The following RUNX2 variants were observed in gnomAD, a reference collection of about 807,000 sequenced individuals.
RUNX2 encodes runt-related transcription factor 2.
A neutral mutation model predicts 51.7 loss-of-function variants in RUNX2; 10 were observed. That is an observed-to-expected ratio of 0.19 (90% CI 0.12 to 0.33). The LOEUF is 0.33. Among genes scored for constraint, RUNX2 ranks in the 10% least tolerant of loss-of-function variants. The probability of loss-of-function intolerance (pLI) is 1.00; values close to 1 mark genes in which losing one functional copy is unlikely to be tolerated. For missense variants in RUNX2, 562 were observed against 691.3 expected (o/e 0.81, Z 2.10); for synonymous variants, 276 against 273.6 (o/e 1.01, Z -0.09).
chr6:45,340,475 C>A (rs987441063), intron 2 of RUNX2, among the ~76,000 whole-genome samples: 10 of 152,002 alleles, frequency 6.6e-5, no homozygotes, highest in Admixed American at 5.9e-4. Context: ...AGGCACGCAC[C>A]ACCACGCCCA....
intron 7 of RUNX2, among the ~76,000 whole-genome samples, chr6:45,535,692 G>T (rs907884642): frequency 6.6e-6 from 1 of 152,070 alleles, no homozygotes; most frequent in Non-Finnish European, 1.5e-5. Context: ...GGCTAAAGCA[G>T]GAATATATGA....
At chr6:45,493,941 A>C (rs753376553) in intron 6 of RUNX2, among the ~76,000 whole-genome samples, 97 of 152,240 alleles carry the variant, frequency 6.4e-4, no homozygotes, top group Non-Finnish European at 9.3e-4. Context: ...GCTGTTAATG[A>C]CTAATGCTTT....
intron 5 of RUNX2, among the ~76,000 whole-genome samples, chr6:45,483,174 C>T (rs574016088): frequency 6.6e-6 from 1 of 152,302 alleles, no homozygotes; most frequent in African/African-American, 2.4e-5. Context: ...GCTCAAAGGG[C>T]TAGAGGCCTT....
intron 2 of RUNX2, among the ~76,000 whole-genome samples, chr6:45,395,159 G>A (rs549733835): frequency 2.6e-5 from 4 of 152,274 alleles, no homozygotes; most frequent in Admixed American, 2.0e-4. Context: ...GCAGTGGTTT[G>A]TCCTGTGACC....
chr6:45,395,776 T>C (rs1797568721), intron 2 of RUNX2, among the ~76,000 whole-genome samples: 1 of 152,210 alleles, frequency 6.6e-6, no homozygotes, highest in Non-Finnish European at 1.5e-5. Flanking sequence ...CAAGCAATCA[T>C]GCCTCAGCCT....
At chr6:45,333,130 A>G (rs1273291413) in intron 2 of RUNX2, among the ~76,000 whole-genome samples, 1 of 151,788 alleles carries the variant, frequency 6.6e-6, no homozygotes, top group East Asian at 1.9e-4. Context: ...ACAAATCTTT[A>G]AAAGAAGTCT....
At chr6:45,509,666 C>T (rs777199852) in intron 6 of RUNX2, among the ~76,000 whole-genome samples, 9 of 152,154 alleles carry the variant, frequency 5.9e-5, no homozygotes, top group South Asian at 2.1e-4. Flanking sequence ...GGAGCTGGCA[C>T]GCCAACTCAG....
intron 2 of RUNX2, among the ~76,000 whole-genome samples, chr6:45,384,606 ATTAG>A: frequency 6.6e-6 from 1 of 151,556 alleles, no homozygotes; most frequent in Middle Eastern, 3.4e-3. Context: ...TTTTATTATA[ATTAG>A]TTATTGAGTA....
At chr6:45,482,773 T>G (rs1232741614) in intron 5 of RUNX2, among the ~76,000 whole-genome samples, 2 of 152,194 alleles carry the variant, frequency 1.3e-5, no homozygotes, top group African/African-American at 4.8e-5. Flanking sequence ...TTGAGTAGAT[T>G]ATATTTTTCT....
intron 2 of RUNX2, among the ~76,000 whole-genome samples, chr6:45,386,966 C>T (rs1797361129): frequency 6.6e-6 from 1 of 151,896 alleles, no homozygotes; most frequent in Admixed American, 6.6e-5. Context: ...ATGTGTAAGA[C>T]AGGTTGGAAG....
chr6:45,378,138 C>A (rs1797083761), intron 2 of RUNX2, among the ~76,000 whole-genome samples: 1 of 152,212 alleles, frequency 6.6e-6, no homozygotes, highest in Non-Finnish European at 1.5e-5. Flanking sequence ...TGTGCGCGGC[C>A]TTCAGGGCCC....
intron 5 of RUNX2, among the ~76,000 whole-genome samples, chr6:45,443,320 GAATTATAGGTGTGAGCCACTGCACCCA>G (rs1167431946): frequency 2.0e-5 from 3 of 152,052 alleles, no homozygotes; most frequent in African/African-American, 7.2e-5. Flanking sequence ...TGAGCAGCTG[GAATTATAGGTGTGAGCCACTGCACCCA>G]AGGATGTTGG....
At chr6:45,369,055 G>C (rs1795618054) in intron 2 of RUNX2, among the ~76,000 whole-genome samples, 1 of 152,006 alleles carries the variant, frequency 6.6e-6, no homozygotes, top group South Asian at 2.1e-4. Flanking sequence ...TCTAGACCTA[G>C]TGTTTAGAAT....
intron 2 of RUNX2, among the ~76,000 whole-genome samples, chr6:45,329,802 GTTA>G (rs1267282328): frequency 6.6e-6 from 1 of 151,910 alleles, no homozygotes; most frequent in African/African-American, 2.4e-5. Context: ...CAGCTGATGT[GTTA>G]TTATAGCAAA....
At chr6:45,345,855 G>A (rs888793305) in intron 2 of RUNX2, among the ~76,000 whole-genome samples, 1 of 152,072 alleles carries the variant, frequency 6.6e-6, no homozygotes, top group African/African-American at 2.4e-5. Context: ...TACTAATCAT[G>A]TTTTATCTGT....
At chr6:45,459,759 T>TGCAGA (rs1799420702) in intron 5 of RUNX2, among the ~76,000 whole-genome samples, 2 of 152,146 alleles carry the variant, frequency 1.3e-5, no homozygotes, top group African/African-American at 4.8e-5. Flanking sequence ...GATAAGTACT[T>TGCAGA]TAAAGAAAAA....
At position 45,393,961 on chromosome 6, in the gene RUNX2, C is replaced by T. The variant is rs1431398694; in HGVS notation, c.59-28632C>T. Reference sequence around the variant, plus strand: ...TTTTTTGAGACCGAGTCTCACTCTGCCCAGGCGTGATCTCGGCTCACTGCA... The same window carrying T: ...TTTTTTGAGACCGAGTCTCACTCTGTCCAGGCGTGATCTCGGCTCACTGCA... On this transcript the variant is annotated intron_variant, in intron 2 of 8. Transcript: ENST00000647337. Among the ~76,000 whole-genome samples the T allele has an allele frequency of 4.0e-5, 6 of 150,078 alleles. No homozygotes were observed. The East Asian group carries it at 9.9e-4, about 25-fold the overall frequency.
chr6:45,420,245 T>A (rs949092036), intron 2 of RUNX2, among the ~76,000 whole-genome samples: 3 of 152,196 alleles, frequency 2.0e-5, no homozygotes, highest in African/African-American at 7.2e-5. Context: ...CATCTTGTAC[T>A]CGAAAGGGCT....
chr6:45,520,719 CAT>C (rs1801477896), intron 7 of RUNX2, among the ~76,000 whole-genome samples: 1 of 152,104 alleles, frequency 6.6e-6, no homozygotes, highest in Admixed American at 6.6e-5. Flanking sequence ...CTAATGTGTA[CAT>C]ATCTTTCTTT....
Sources: gnomAD v4.1 joint callset for allele counts (sites outside exome capture counted in the v4.1 genomes callset) on GRCh38, gnomAD v4.1.1 for gene constraint, MANE v1.5 for transcripts, NCBI Gene and HGNC (gene_info 2026-07-23, HGNC 2026-07-21) for gene names.